The following NEK5 variants were observed in gnomAD, a reference collection of about 807,000 sequenced individuals.
NEK5 encodes the protein NIMA related kinase 5, also known as serine/threonine-protein kinase Nek5.
A neutral mutation model predicts 109.2 loss-of-function variants in NEK5; 88 were observed. The ratio of observed to expected loss-of-function variants is 0.81; its 90% CI spans 0.68 to 0.96. The LOEUF is 0.96. Among genes scored for constraint, NEK5 ranks in the 40% least tolerant of loss-of-function variants. The pLI, the probability that NEK5 is intolerant of heterozygous loss-of-function variation, is 0.00. For synonymous variants in NEK5, 283 were observed against 299.9 expected (o/e 0.94, Z 0.58); for missense variants, 834 against 920.7 (o/e 0.91, Z 1.22).
intron 22 of NEK5, among the ~76,000 whole-genome samples, chr13:52,056,312 C>G (rs1954554750): frequency 6.6e-6 from 1 of 152,240 alleles, no homozygotes; most frequent in South Asian, 2.1e-4. Flanking sequence ...CCTGAGCCAC[C>G]TACAAAGAGA....
intron 12 of NEK5, 78 bp from the exon 13 acceptor site, chr13:52,093,313 A>C: frequency 9.4e-7 from 1 of 1,064,564 alleles, no homozygotes; most frequent in South Asian, 1.6e-5. Context: ...TAACCCTAGC[A>C]CTTTGGGAGG....
At chr13:52,091,559 T>C (rs1411824536) in intron 13 of NEK5, among the ~76,000 whole-genome samples, 1 of 152,238 alleles carries the variant, frequency 6.6e-6, no homozygotes, top group Non-Finnish European at 1.5e-5. Flanking sequence ...ATTAATGAGA[T>C]TGCCATCCCA....
chr13:52,122,985 A>G (rs943103405), intron 3 of NEK5, among the ~76,000 whole-genome samples: 1 of 152,230 alleles, frequency 6.6e-6, no homozygotes, highest in African/African-American at 2.4e-5. Context: ...AATTGAGGAA[A>G]GATAAAACAC....
At chr13:52,120,125 C>T (rs1328924909) in intron 3 of NEK5, among the ~76,000 whole-genome samples, 2 of 152,170 alleles carry the variant, frequency 1.3e-5, no homozygotes, top group African/African-American at 4.8e-5. Flanking sequence ...AGGTCTTCAA[C>T]ATTGGCCAGA....
chr13:52,115,719 C>T (rs1163792527), intron 4 of NEK5, among the ~76,000 whole-genome samples: 1 of 150,504 alleles, frequency 6.6e-6, no homozygotes, highest in Admixed American at 6.6e-5. Context: ...TTGGAAGTGT[C>T]TGGAAAAATC....
intron 3 of NEK5, among the ~76,000 whole-genome samples, chr13:52,120,053 C>A (rs938920789): frequency 2.0e-5 from 3 of 152,168 alleles, no homozygotes; most frequent in African/African-American, 7.2e-5. Context: ...GTCATTTCTA[C>A]CCTGACTTCC....
In NEK5 at chr13:52,088,264, GT is replaced by G. The variant is rs950355633; in HGVS notation, c.1276-811del. On this transcript the variant is annotated intron_variant, in intron 14 of 23. Transcript: ENST00000684899. ...TTTGTTGTTGGTTTTTGTTTTTTTT[GT>G]TTTTTTTGAGACAGAGTCTCGTTCT... 2.1e-4 allele frequency among the ~76,000 whole-genome samples: 31 copies of G among 146,796 alleles called. No homozygotes were observed. In the East Asian group the frequency reaches 5.7e-3, roughly 27 times the overall value.
intron 16 of NEK5, among the ~76,000 whole-genome samples, chr13:52,085,230 C>G (rs1008755397): frequency 6.6e-6 from 1 of 152,172 alleles, no homozygotes; most frequent in Non-Finnish European, 1.5e-5. Flanking sequence ...TACACAAGCT[C>G]TCTTGCCTGC....
chr13:52,129,052 C>A lies in NEK5; in HGVS notation c.-114G>T, dbSNP rs1403740189. 6.6e-6 allele frequency: 1 copy of A among 152,250 alleles called. No homozygotes were observed. The highest frequency in any genetic ancestry group is 1.5e-5 in the Non-Finnish European group (1 of 68,068). The allele number at this position is 152,250 out of a possible 1,614,324, so 9.4% of individuals were successfully genotyped here. A position where few individuals can be genotyped will look rare whatever the true frequency, so the allele number is the denominator to read the frequency against. On this transcript the variant is annotated 5_prime_UTR_variant, in exon 1 of 24. Coordinates refer to ENST00000684899, the MANE Select transcript of NEK5 (RefSeq NM_001365552.1). Reference sequence around the variant, plus strand: ...ACCTGCTCCGCCGGCTCCGCGGGGCCAACGAAGCGTCCCGGAAGGATCCGG... The same window carrying A: ...ACCTGCTCCGCCGGCTCCGCGGGGCAAACGAAGCGTCCCGGAAGGATCCGG...
At chr13:52,082,423 A>T in intron 17 of NEK5, 1 of 847,970 alleles carries the variant, frequency 1.2e-6, no homozygotes, top group South Asian at 2.2e-5. Flanking sequence ...AATAAATATA[A>T]CTCCTTGGAA....
At chr13:52,067,542 A>G (rs564556225) in intron 20 of NEK5, among the ~76,000 whole-genome samples, 1 of 152,216 alleles carries the variant, frequency 6.6e-6, no homozygotes, top group East Asian at 1.9e-4. Context: ...GGGCATGTAC[A>G]TGGTGGGCCC....
chr13:52,039,027 C>T (rs1240053784), intron 23 of NEK5, among the ~76,000 whole-genome samples: 1 of 151,934 alleles, frequency 6.6e-6, no homozygotes, highest in Non-Finnish European at 1.5e-5. Context: ...GTGGAATAAC[C>T]AATAGGAGCC....
rs556430126 is a variant in NEK5 at position 52,101,956 on chromosome 13, C to A, written c.869G>T (p.Arg290Leu). 6.2e-7 allele frequency: 1 copy of A among 1,614,016 alleles called. No homozygotes were observed. Among genetic ancestry groups the A allele is most frequent in the Non-Finnish European group, 8.5e-7 (1 of 1,179,944 alleles). ...LICRAGAPAS[R>L]HAGKVVQKCK... ...ACTCTGGACCACCTTCCCAGCATGT[C>A]GAGAAGCTGGCGCTCCTGCTCTGCA... is the stretch of plus-strand genomic sequence containing the variant. The change falls in exon 11 of 24, where the codon CGA (arginine) becomes CTA (leucine). Residue 290 changes from arginine to leucine, a missense_variant. Physicochemically the swap from Arg to Leu is moderately radical, Grantham distance 102. This residue lies in a region of NEK5 where 777 missense variants were observed against 824.7 expected (regional missense o/e 0.94). Coordinates refer to ENST00000684899, the MANE Select transcript of NEK5 (RefSeq NM_001365552.1).
At chr13:52,101,814 A>G in intron 11 of NEK5, 119 bp downstream of exon 11, 1 of 830,964 alleles carries the variant, frequency 1.2e-6, no homozygotes, top group Non-Finnish European at 2.0e-6. Flanking sequence ...TCCTGCTTAT[A>G]CTGCTTGTAT....
chr13:52,056,843 C>A (rs1273121376), intron 22 of NEK5, among the ~76,000 whole-genome samples: 1 of 151,390 alleles, frequency 6.6e-6, no homozygotes, highest in Non-Finnish European at 1.5e-5. Context: ...CAAGAGAAAG[C>A]AGGAAAGATC....
intron 4 of NEK5, among the ~76,000 whole-genome samples, chr13:52,116,079 A>C (rs956071851): frequency 2.7e-5 from 4 of 150,684 alleles, no homozygotes; most frequent in Non-Finnish European, 5.9e-5. Flanking sequence ...TACTCAGGAG[A>C]CTGAGGTGGG....
chr13:52,058,552 A>C (rs1954583198), intron 22 of NEK5, among the ~76,000 whole-genome samples: 1 of 152,098 alleles, frequency 6.6e-6, no homozygotes, highest in Non-Finnish European at 1.5e-5. Context: ...ACTTCAAACT[A>C]TACTACAAGG....
Position 52,072,063 on chromosome 13 carries a change from T to C in NEK5, c.1730A>G (p.Asp577Gly). Reference protein sequence around the residue: ...ENILQEEEAMDIPNETLTFED... With the variant: ...ENILQEEEAMGIPNETLTFED... ...AAAGGTCAAAGTTTCATTTGGTATA[T>C]CCATTGCCTAAATCAATTCCACAGT... The change falls in exon 20 of 24, where the codon GAT becomes GGT. Residue 577 changes from aspartate to glycine, a missense_variant. By Grantham distance (94) the Asp-to-Gly change is moderately conservative (BLOSUM62 -1). Around this residue, in one of 2 missense-constraint regions of NEK5, gnomAD observed 777 missense variants for 824.7 expected, o/e 0.94. Coordinates refer to ENST00000684899, the MANE Select transcript of NEK5 (RefSeq NM_001365552.1). The C allele has an allele frequency of 6.2e-7, 1 of 1,610,408 alleles. No individual in the cohort carries two copies. Among genetic ancestry groups the C allele is most frequent in the Non-Finnish European group, 8.5e-7 (1 of 1,177,490 alleles).
At chr13:52,053,399 T>C (rs886912597) in intron 22 of NEK5, among the ~76,000 whole-genome samples, 1 of 152,250 alleles carries the variant, frequency 6.6e-6, no homozygotes, top group African/African-American at 2.4e-5. Flanking sequence ...TGTATGTTTA[T>C]ATGTATCATG....
Sources: allele counts gnomAD v4.1 joint callset (sites outside exome capture counted in the v4.1 genomes callset), GRCh38; gene constraint gnomAD v4.1.1; regional missense constraint gnomAD v4.1.1; transcripts MANE v1.5; gene names NCBI Gene and HGNC (gene_info 2026-07-23, HGNC 2026-07-21).